The following TNRC6B variants were observed in gnomAD, a reference collection of about 807,000 sequenced individuals.
The protein encoded by TNRC6B is trinucleotide repeat-containing gene 6B protein.
TNRC6B carries 52 observed loss-of-function variants against 203.6 expected under a neutral mutation model. The ratio of observed to expected loss-of-function variants is 0.26; its 90% CI spans 0.20 to 0.32. The LOEUF (loss-of-function observed/expected upper bound fraction) is 0.32, where lower values mean the gene tolerates loss of function less well. Among genes scored for constraint, TNRC6B ranks in the 10% least tolerant of loss-of-function variants. TNRC6B has a pLI of 1.00. For missense variants in TNRC6B, 1,923 were observed against 2,286.2 expected (o/e 0.84, Z 3.24); for synonymous variants, 838 against 845.7 (o/e 0.99, Z 0.16).
At chr22:40,222,854 G>A (rs1271369478) in intron 1 of TNRC6B, among the ~76,000 whole-genome samples, 1 of 141,106 alleles carries the variant, frequency 7.1e-6, no homozygotes, top group Admixed American at 7.4e-5. Context: ...CAGGCAATCC[G>A]CCTGCCTCAG....
chr22:40,293,827 T>C (rs1392423554), intron 12 of TNRC6B, among the ~76,000 whole-genome samples: 3 of 151,886 alleles, frequency 2.0e-5, no homozygotes, highest in Non-Finnish European at 4.4e-5. Context: ...TATTAAGTCA[T>C]GGGAAGATGC....
At chr22:40,159,360 C>A (rs1252263752) in intron 4 of TNRC6B, among the ~76,000 whole-genome samples, 2 of 150,442 alleles carry the variant, frequency 1.3e-5, no homozygotes, top group East Asian at 4.0e-4. Flanking sequence ...TGAGACCTGG[C>A]CAGGCGCGGT....
In TNRC6B at chr22:40,264,679, G is replaced by C. The variant is rs989734841; in HGVS notation, c.458-9G>C. ...GAAGCTGTGATTAATAAGATGATCT[G>C]TTCCCCAGACTCAACCCTTGGAGGT... On this transcript the variant is annotated splice_polypyrimidine_tract_variant and intron_variant, in intron 4 of 22. Transcript: ENST00000454349. The C allele has an allele frequency of 3.2e-6, 5 of 1,565,896 alleles. No individual in the cohort carries two copies. In the African/African-American group the frequency reaches 5.5e-5, roughly 17 times the overall value.
chr22:40,046,944 CTTAA>C lies in TNRC6B; in HGVS notation c.-121+1947_-121+1950del, dbSNP rs775540577. 1.1e-3 allele frequency among the ~76,000 whole-genome samples: 174 copies of C among 152,246 alleles called. 1 individual carries two copies. The highest frequency in any genetic ancestry group is 2.8e-3 in the Admixed American group (43 of 15,298). On this transcript the variant is annotated intron_variant, in intron 1 of 23. Transcript: ENST00000301923. ...ACAGGCGTGAGCCACCGCGCCCGGC[CTTAA>C]AAATGTTTTCAAGTCGGAGCAATAC...
chr22:40,136,337 GATC>G (rs1225952118), intron 3 of TNRC6B, among the ~76,000 whole-genome samples: 2 of 150,102 alleles, frequency 1.3e-5, no homozygotes, highest in Non-Finnish European at 3.0e-5. Context: ...GGGTGTCTGT[GATC>G]ATATTCTCTG....
At chr22:40,196,138 C>T (rs539878207) in intron 1 of TNRC6B, among the ~76,000 whole-genome samples, 4 of 151,816 alleles carry the variant, frequency 2.6e-5, no homozygotes, top group Non-Finnish European at 4.4e-5. Context: ...ATTGTTAACA[C>T]CTTTGATTTT....
intron 1 of TNRC6B, among the ~76,000 whole-genome samples, chr22:40,056,295 TCA>T (rs2067795083): frequency 6.6e-6 from 1 of 152,254 alleles, no homozygotes; most frequent in African/African-American, 2.4e-5. Flanking sequence ...CTGATTACAC[TCA>T]CAAGATGTTA....
At position 40,148,347 on chromosome 22, in the gene TNRC6B, A is replaced by G. The variant is rs1392420627; in HGVS notation, c.46-7768A>G. Among the ~76,000 whole-genome samples the G allele has an allele frequency of 2.7e-5, 4 of 150,224 alleles. No individual in the cohort carries two copies. The East Asian group carries it at 7.8e-4, about 29-fold the overall frequency. On this transcript the variant is annotated intron_variant, in intron 3 of 23. Coordinates refer to the TNRC6B transcript ENST00000301923. ...TTGCCAGGCTGCAGTGCAGTGGCACAATCTCGGCTCACTGCAACCTCCGCC... is the reference window on the plus strand; with the variant it reads ...TTGCCAGGCTGCAGTGCAGTGGCACGATCTCGGCTCACTGCAACCTCCGCC...
chr22:40,169,926 T>G (rs1312249501), intron 4 of TNRC6B, among the ~76,000 whole-genome samples: 1 of 152,144 alleles, frequency 6.6e-6, no homozygotes, highest in African/African-American at 2.4e-5. Flanking sequence ...ATAATTCTCC[T>G]TCTGAAATTC....
rs767892512 is a variant in TNRC6B at position 40,285,648 on chromosome 22, G to T, written c.3586G>T (p.Gly1196Cys). ...ACTGCTGCTTTTCTGTTTACAGGGC[G>T]GTAGTCATGGTTTGTTTGGAAACAG... is the stretch of plus-strand genomic sequence containing the variant. ...NPQNFAARQG[G>C]SHGLFGNSTA... Residue 1196 changes from glycine to cysteine, a missense_variant, in exon 12 of 23, where the codon GGT becomes TGT. Gly to Cys is a radical substitution (Grantham distance 159). Transcript: ENST00000454349. The T allele has an allele frequency of 1.2e-6, 2 of 1,611,886 alleles. No individual in the cohort carries two copies. Among genetic ancestry groups the T allele is most frequent in the Non-Finnish European group, 1.7e-6 (2 of 1,179,444 alleles).
intron 1 of TNRC6B, among the ~76,000 whole-genome samples, chr22:40,087,862 A>G (rs901843416): frequency 1.3e-5 from 2 of 152,146 alleles, no homozygotes; most frequent in African/African-American, 2.4e-5. Flanking sequence ...GTTGGCCTCC[A>G]TCTCCGTTAC....
intron 3 of TNRC6B, among the ~76,000 whole-genome samples, chr22:40,129,109 A>G (rs2068520014): frequency 1.3e-5 from 2 of 152,184 alleles, no homozygotes. Context: ...CTGAAGCAAC[A>G]GTGTTCTAGA....
At chr22:40,081,118 C>A (rs770302074) in intron 1 of TNRC6B, among the ~76,000 whole-genome samples, 4 of 152,154 alleles carry the variant, frequency 2.6e-5, no homozygotes, top group African/African-American at 4.8e-5. Context: ...GCCTCAGCCT[C>A]CCAAATTGCT....
At chr22:40,195,456 G>A (rs922325983) in intron 1 of TNRC6B, among the ~76,000 whole-genome samples, 1 of 152,036 alleles carries the variant, frequency 6.6e-6, no homozygotes, top group African/African-American at 2.4e-5. Context: ...TGCCTTTGTC[G>A]TCTTCTCTTT....
Position 40,277,083 on chromosome 22 carries a change from C to G in TNRC6B, c.3148C>G (p.Leu1050Val). The G allele has an allele frequency of 6.2e-7, 1 of 1,601,782 alleles. No individual in the cohort carries two copies. Among genetic ancestry groups the G allele is most frequent in the East Asian group, 2.3e-5 (1 of 44,268 alleles). The part of the protein sequence containing the change: ...QGGKKQMKCS[L>V]KGGNNDSWMN... ...CCGTGTTTCATTTCTGTAGTGCTCA[C>G]TCAAAGGAGGAAACAATGATTCATG... Residue 1050 changes from leucine (L) to valine (V), a missense_variant, in exon 8 of 23, where the codon CTC becomes GTC. By Grantham distance (32) the Leu-to-Val change is conservative. Transcript: ENST00000454349.
At chr22:40,261,749 AAAT>A in intron 3 of TNRC6B, 80 bp from the exon 4 acceptor site, 1 of 1,197,856 alleles carries the variant, frequency 8.3e-7, no homozygotes, top group Non-Finnish European at 1.1e-6. Flanking sequence ...TCTCTAAATA[AAAT>A]AATAAAATTA....
At chr22:40,301,515 C>T (rs2071022910) in intron 15 of TNRC6B, 182 bp downstream of exon 15, 1 of 654,008 alleles carries the variant, frequency 1.5e-6, no homozygotes, top group South Asian at 2.1e-5. Context: ...TTCCAGAGCT[C>T]ACCACATGGT....
intron 1 of TNRC6B, among the ~76,000 whole-genome samples, chr22:40,070,200 T>C (rs2067935455): frequency 6.6e-6 from 1 of 152,234 alleles, no homozygotes; most frequent in Non-Finnish European, 1.5e-5. Flanking sequence ...ATTCGTATAA[T>C]AAAATCGATA....
At chr22:40,143,602 G>T (rs2146340145) in intron 3 of TNRC6B, among the ~76,000 whole-genome samples, 1 of 152,148 alleles carries the variant, frequency 6.6e-6, no homozygotes, top group Non-Finnish European at 1.5e-5. Context: ...TCATTCTCCT[G>T]CCTCACTGCC....
Sources: allele counts gnomAD v4.1 joint callset (sites outside exome capture counted in the v4.1 genomes callset), GRCh38; gene constraint gnomAD v4.1.1; transcripts MANE v1.5; gene names NCBI Gene and HGNC (gene_info 2026-07-23, HGNC 2026-07-21).